CDH13: variants seen among roughly 807,000 people sequenced by gnomAD.
CDH13 encodes the protein cadherin 13.
In CDH13, 24 loss-of-function variants were observed where a neutral mutation model predicts 63.8. The ratio of observed to expected loss-of-function variants is 0.38; its 90% CI spans 0.27 to 0.53. CDH13 has a LOEUF of 0.53. Ranked by LOEUF, CDH13 falls within the 20% of genes least tolerant of loss-of-function variation. The probability of loss-of-function intolerance (pLI) is 0.85; values close to 1 mark genes in which losing one functional copy is unlikely to be tolerated. For missense variants in CDH13, 1,049 were observed against 903.1 expected (o/e 1.16, Z -2.07); for synonymous variants, 503 against 355.3 (o/e 1.42, Z -4.67).
At chr16:83,167,069 T>C (rs1377098469) in intron 4 of CDH13, among the ~76,000 whole-genome samples, 2 of 152,060 alleles carry the variant, frequency 1.3e-5, no homozygotes, top group Admixed American at 6.6e-5. Flanking sequence ...ACACGGCAGA[T>C]TTCTCCTGGT....
chr16:83,733,209 G>A (rs1024887910), intron 10 of CDH13, among the ~76,000 whole-genome samples: 16 of 152,182 alleles, frequency 1.1e-4, no homozygotes, highest in African/African-American at 3.9e-4. Flanking sequence ...ACTCAGTGAT[G>A]GAAATAACCC....
intron 6 of CDH13, among the ~76,000 whole-genome samples, chr16:83,412,135 G>A (rs1391283678): frequency 6.6e-6 from 1 of 152,206 alleles, no homozygotes; most frequent in South Asian, 2.1e-4. Flanking sequence ...ACCTATGCAT[G>A]TGGAATCATG....
Position 83,569,603 on chromosome 16 carries a change from C to T in CDH13, c.961-32851C>T, listed in dbSNP as rs146027687. Among the ~76,000 whole-genome samples, 173 of 152,298 alleles carry T rather than the reference C, an allele frequency of 1.1e-3. 2 individuals carry two copies. The highest frequency in any genetic ancestry group is 4.0e-3 in the African/African-American group (167 of 41,558). The stretch of plus-strand genomic sequence containing the variant: ...CTCAATTGTGAAATCCCTCCAGATT[C>T]CTAATTATCTTCTTCCCAAGATAAC... On this transcript the variant is annotated intron_variant, in intron 7 of 13. Transcript: ENST00000567109.
At chr16:82,873,974 C>G (rs2040424229) in intron 2 of CDH13, among the ~76,000 whole-genome samples, 1 of 152,208 alleles carries the variant, frequency 6.6e-6, no homozygotes, top group South Asian at 2.1e-4. Flanking sequence ...TAAAAACATA[C>G]TCTATGAAAA....
At chr16:82,983,757 G>C (rs1426630981) in intron 2 of CDH13, among the ~76,000 whole-genome samples, 1 of 152,144 alleles carries the variant, frequency 6.6e-6, no homozygotes, top group Non-Finnish European at 1.5e-5. Flanking sequence ...GCCTGCTTCT[G>C]TGTTGTGTGT....
At chr16:83,193,789 C>G (rs1032202955) in intron 4 of CDH13, among the ~76,000 whole-genome samples, 2 of 152,132 alleles carry the variant, frequency 1.3e-5, no homozygotes, top group Non-Finnish European at 2.9e-5. Flanking sequence ...ATTTGATTAA[C>G]AGCTCTTAAA....
At chr16:82,756,683 C>G (rs1462014234) in intron 1 of CDH13, among the ~76,000 whole-genome samples, 1 of 152,004 alleles carries the variant, frequency 6.6e-6, no homozygotes, top group Non-Finnish European at 1.5e-5. Flanking sequence ...TCTCCTTCCT[C>G]GTTAGTATTT....
intron 6 of CDH13, among the ~76,000 whole-genome samples, chr16:83,352,838 C>T (rs563566649): frequency 3.4e-4 from 52 of 152,196 alleles, no homozygotes; most frequent in African/African-American, 1.1e-3. Context: ...TACAGTGAAC[C>T]GAGATCGTGA....
In CDH13 at chr16:83,591,422, G is replaced by T. The variant is rs1271594419; in HGVS notation, c.961-11032G>T. ...CTAACAGATTAGCCTGTTCTGTTCTGCTCCTAACCAGCCATGTGCTCCTGG... is the reference window on the plus strand; with the variant it reads ...CTAACAGATTAGCCTGTTCTGTTCTTCTCCTAACCAGCCATGTGCTCCTGG... On this transcript the variant is annotated intron_variant, in intron 7 of 13. Coordinates refer to ENST00000567109, the MANE Select transcript of CDH13 (RefSeq NM_001257.5). Among the ~76,000 whole-genome samples the T allele has an allele frequency of 2.0e-5, 3 of 152,132 alleles. 1 individual carries two copies. Among genetic ancestry groups the T allele is most frequent in the African/African-American group, 7.2e-5 (3 of 41,412 alleles).
chr16:83,622,550 T>C (rs1487491019), intron 8 of CDH13, among the ~76,000 whole-genome samples: 1 of 152,238 alleles, frequency 6.6e-6, no homozygotes, highest in African/African-American at 2.4e-5. Flanking sequence ...CAATAGCTTA[T>C]AATTGATACT....
At chr16:83,438,256 C>G (rs962865374) in intron 6 of CDH13, among the ~76,000 whole-genome samples, 1 of 152,218 alleles carries the variant, frequency 6.6e-6, no homozygotes, top group Non-Finnish European at 1.5e-5. Context: ...TCACCATGCT[C>G]CATCACCCCA....
intron 3 of CDH13, among the ~76,000 whole-genome samples, chr16:83,063,654 A>G (rs1400044317): frequency 1.1e-4 from 17 of 152,196 alleles, no homozygotes. Context: ...TTTCCTGTTA[A>G]TTACTCTATG....
chr16:83,712,146 T>C (rs1349579325), intron 10 of CDH13, among the ~76,000 whole-genome samples: 1 of 152,192 alleles, frequency 6.6e-6, no homozygotes, highest in Non-Finnish European at 1.5e-5. Context: ...AAGACAATCA[T>C]ACTGTGAGGT....
chr16:82,988,444 C>G (rs1481182091), intron 2 of CDH13, among the ~76,000 whole-genome samples: 4 of 151,916 alleles, frequency 2.6e-5, no homozygotes, highest in Admixed American at 6.6e-5. Flanking sequence ...GTGGAAGCTT[C>G]TAGAAGAGCT....
chr16:82,858,968 C>G (rs1301569712), intron 2 of CDH13: 2 of 156,850 alleles, frequency 1.3e-5, no homozygotes, highest in East Asian at 1.9e-4. Flanking sequence ...TAGAAAGATT[C>G]AAAACCTCTA....
At chr16:83,368,882 TGTTATATATATATATATATATATA>T (rs1276861522) in intron 6 of CDH13, among the ~76,000 whole-genome samples, 3 of 26,960 alleles carry the variant, frequency 1.1e-4, no homozygotes, top group African/African-American at 3.9e-4. Flanking sequence ...TAGTATTCCA[TGTTATATATATATATATATATATA>T]TATATATATA....
At chr16:82,982,434 T>C (rs1259899719) in intron 2 of CDH13, among the ~76,000 whole-genome samples, 1 of 152,206 alleles carries the variant, frequency 6.6e-6, no homozygotes, top group Non-Finnish European at 1.5e-5. Context: ...TCCGAAGTCC[T>C]AAAAAATCTA....
intron 6 of CDH13, among the ~76,000 whole-genome samples, chr16:83,411,996 G>T (rs898393655): frequency 2.0e-5 from 3 of 152,336 alleles, no homozygotes; most frequent in East Asian, 1.9e-4. Context: ...GCTACTGACA[G>T]TGTGCTAAGT....
chr16:82,740,777 A>C (rs1353593164), intron 1 of CDH13, among the ~76,000 whole-genome samples: 1 of 152,214 alleles, frequency 6.6e-6, no homozygotes, highest in Non-Finnish European at 1.5e-5. Flanking sequence ...ACTTCCACCC[A>C]CTGGGCAAAG....
Sources: gnomAD v4.1 joint callset for allele counts (sites outside exome capture counted in the v4.1 genomes callset) on GRCh38, gnomAD v4.1.1 for gene constraint, MANE v1.5 for transcripts, NCBI Gene and HGNC (gene_info 2026-07-23, HGNC 2026-07-21) for gene names.